RNF168: variants seen among roughly 807,000 people sequenced by gnomAD.
RNF168 encodes E3 ubiquitin-protein ligase RNF168.
In RNF168, 34 loss-of-function variants were observed where a neutral mutation model predicts 34.9. The observed-to-expected ratio is 0.97, with a 90% CI of 0.74 to 1.30. The LOEUF (loss-of-function observed/expected upper bound fraction) is 1.30. RNF168 is among the 50% of genes most tolerant of loss of function. The probability of loss-of-function intolerance (pLI) is 0.00; values close to 1 mark genes in which losing one functional copy is unlikely to be tolerated. For missense variants in RNF168, 725 were observed against 682.5 expected (o/e 1.06, Z -0.69); for synonymous variants, 264 against 254.7 (o/e 1.04, Z -0.35).
chr3:196,495,451 A>G (rs1732719447), intron 1 of RNF168, among the ~76,000 whole-genome samples: 1 of 152,146 alleles, frequency 6.6e-6, no homozygotes, highest in Admixed American at 6.6e-5. Context: ...TTCTCTTTTA[A>G]TCTCCCTTTC....
chr3:196,470,842 C>T lies in RNF168; in HGVS notation c.*977G>A, dbSNP rs1178550702. ...AACTAATTCCCAATTTCCTAGAAAACCCTGATTTTCTGATTTAACACTGAT... is the reference window on the plus strand; with the variant it reads ...AACTAATTCCCAATTTCCTAGAAAATCCTGATTTTCTGATTTAACACTGAT... On this transcript the variant is annotated 3_prime_UTR_variant, in exon 6 of 6. Coordinates refer to ENST00000318037, the MANE Select transcript of RNF168 (RefSeq NM_152617.4). 2 of 152,528 alleles carry T rather than the reference C, an allele frequency of 1.3e-5. No individual in the cohort carries two copies. Among genetic ancestry groups the T allele is most frequent in the East Asian group, 3.9e-4 (2 of 5,182 alleles). The allele number at this position is 152,528 out of a possible 1,614,324, so 9.4% of individuals were successfully genotyped here. A position where few individuals can be genotyped will look rare whatever the true frequency, so the allele number is the denominator to read the frequency against.
At chr3:196,478,551 C>T (rs1476899502) in intron 4 of RNF168, among the ~76,000 whole-genome samples, 1 of 152,158 alleles carries the variant, frequency 6.6e-6, no homozygotes, top group African/African-American at 2.4e-5. Context: ...GTGAATTGTC[C>T]TTTGCTCAAT....
intron 4 of RNF168, among the ~76,000 whole-genome samples, chr3:196,479,416 C>T (rs1732235533): frequency 6.6e-6 from 1 of 151,666 alleles, no homozygotes; most frequent in Admixed American, 6.6e-5. Flanking sequence ...GTGATCCTGC[C>T]ACCTCAGCCT....
chr3:196,477,800 A>C (rs1021195615), intron 4 of RNF168, among the ~76,000 whole-genome samples: 1 of 152,230 alleles, frequency 6.6e-6, no homozygotes, highest in Non-Finnish European at 1.5e-5. Flanking sequence ...GAAAATAAGC[A>C]GAACTGGCCG....
chr3:196,493,667 A>G (rs1281004373), intron 1 of RNF168, among the ~76,000 whole-genome samples: 1 of 152,056 alleles, frequency 6.6e-6, no homozygotes, highest in East Asian at 1.9e-4. Flanking sequence ...CTGGGATTAC[A>G]GGCATGTCCC....
chr3:196,494,543 A>T (rs895398310), intron 1 of RNF168, among the ~76,000 whole-genome samples: 5 of 152,228 alleles, frequency 3.3e-5, no homozygotes, highest in Non-Finnish European at 7.3e-5. Flanking sequence ...ACTGAACTAG[A>T]CTGCAGCTCC....
intron 5 of RNF168, among the ~76,000 whole-genome samples, chr3:196,474,593 A>G (rs1732095794): frequency 6.6e-6 from 1 of 151,794 alleles, no homozygotes. Context: ...GATTACAGGC[A>G]TGCGCCACCA....
At chr3:196,497,614 G>C (rs1390948515) in intron 1 of RNF168, among the ~76,000 whole-genome samples, 1 of 150,928 alleles carries the variant, frequency 6.6e-6, no homozygotes, top group Non-Finnish European at 1.5e-5. Context: ...AGGTTGCAGT[G>C]AGCCATCACG....
intron 1 of RNF168, among the ~76,000 whole-genome samples, chr3:196,494,065 T>C (rs1194070169): frequency 6.6e-6 from 1 of 151,056 alleles, no homozygotes; most frequent in African/African-American, 2.4e-5. Context: ...GCCAGGCTGG[T>C]CTCACACTCT....
At chr3:196,492,373 CAAT>C (rs1010410970) in intron 1 of RNF168, among the ~76,000 whole-genome samples, 2 of 151,906 alleles carry the variant, frequency 1.3e-5, no homozygotes, top group African/African-American at 4.8e-5. Context: ...TTTAGGAAAA[CAAT>C]AATAAGACAG....
chr3:196,497,090 G>T (rs905509836), intron 1 of RNF168, among the ~76,000 whole-genome samples: 14 of 151,966 alleles, frequency 9.2e-5, no homozygotes, highest in African/African-American at 3.1e-4. Context: ...AGGATGTAGT[G>T]AGCTGAGATC....
In RNF168 at chr3:196,471,195, C is replaced by CAAA. The variant is rs1731991436; in HGVS notation, c.*623_*624insTTT. On this transcript the variant is annotated 3_prime_UTR_variant, in exon 6 of 6. Transcript: ENST00000318037. ...TGCGTGACAGAGCAAGACTCTGTCT[C>CAAA]CAAAAAAAAAAAAAAAAAAAAAAAA... is the stretch of plus-strand genomic sequence containing the variant. The CAAA allele has an allele frequency of 5.0e-5, 1 of 19,836 alleles. No individual in the cohort carries two copies. Among genetic ancestry groups the CAAA allele is most frequent in the African/African-American group, 9.6e-5 (1 of 10,464 alleles). The allele number at this position is 19,836 out of a possible 1,614,324, so 1.2% of individuals were successfully genotyped here.
intron 4 of RNF168, among the ~76,000 whole-genome samples, chr3:196,478,565 A>C (rs549634305): frequency 6.6e-6 from 1 of 152,016 alleles, no homozygotes; most frequent in African/African-American, 2.4e-5. Flanking sequence ...GCTCAATTAA[A>C]CTCTGTTAAT....
chr3:196,485,369 G>A (rs1036582303), intron 3 of RNF168, among the ~76,000 whole-genome samples: 4 of 152,048 alleles, frequency 2.6e-5, no homozygotes, highest in African/African-American at 7.2e-5. Flanking sequence ...TTAACAGGAT[G>A]TGGTGGCGGC....
At position 196,469,267 on chromosome 3, in the gene RNF168, T is replaced by G. The variant is rs1731944090; in HGVS notation, c.*2552A>C. Reference sequence around the variant, plus strand: ...GTCTCAGACAAATTTGGTTTATTTATTTTTACTTAACGACCCATGTGATAG... The same window carrying G: ...GTCTCAGACAAATTTGGTTTATTTAGTTTTACTTAACGACCCATGTGATAG... On this transcript the variant is annotated 3_prime_UTR_variant, in exon 6 of 6. Transcript: ENST00000318037. The G allele has an allele frequency of 6.6e-6, 1 of 152,216 alleles. No homozygotes were observed. The highest frequency in any genetic ancestry group is 2.4e-5 in the African/African-American group (1 of 41,454). The allele number at this position is 152,216 out of a possible 1,614,324, so 9.4% of individuals were successfully genotyped here.
chr3:196,476,696 G>A lies in RNF168; in HGVS notation c.681-1384C>T, dbSNP rs545602581. 1.2e-4 allele frequency among the ~76,000 whole-genome samples: 18 copies of A among 151,756 alleles called. No homozygotes were observed. The South Asian group carries it at 2.9e-3, about 25-fold the overall frequency. On this transcript the variant is annotated intron_variant, in intron 4 of 5. Transcript: ENST00000318037. ...CTCCCAAAGTGCTGGGATAACATGC[G>A]TGAGCCACCGTGCCTGGCCCTCAAC...
At chr3:196,489,863 G>C (rs370156869) in intron 1 of RNF168, among the ~76,000 whole-genome samples, 3 of 152,098 alleles carry the variant, frequency 2.0e-5, no homozygotes, top group African/African-American at 7.2e-5. Flanking sequence ...CAGAATCCTC[G>C]ACTTACCGGC....
At chr3:196,501,802 G>C (rs571943517) in intron 1 of RNF168, among the ~76,000 whole-genome samples, 1 of 151,882 alleles carries the variant, frequency 6.6e-6, no homozygotes, top group East Asian at 1.9e-4. Context: ...ATGTTACCCA[G>C]ACCGGCCTCA....
Position 196,503,303 on chromosome 3 carries a change from G to C in RNF168, c.-130C>G. ...TATGCCCAGAAGCGTATCAGAATTC[G>C]GAGAACAGGAGCATCCAACACGTCT... On this transcript the variant is annotated 5_prime_UTR_variant, in exon 1 of 6. Coordinates refer to ENST00000318037, the MANE Select transcript of RNF168 (RefSeq NM_152617.4). 1 of 809,858 alleles carries C rather than the reference G, an allele frequency of 1.2e-6. No homozygotes were observed. The highest frequency in any genetic ancestry group is 3.4e-4 in the Middle Eastern group (1 of 2,930). 50.2% of individuals were successfully genotyped at this position (809,858 alleles called of 1,614,324 possible).
Sources: allele counts gnomAD v4.1 joint callset (sites outside exome capture counted in the v4.1 genomes callset), GRCh38; gene constraint gnomAD v4.1.1; transcripts MANE v1.5; gene names NCBI Gene and HGNC (gene_info 2026-07-23, HGNC 2026-07-21).